Variants in ZNF710 observed in about 807,000 individuals in gnomAD.
The protein encoded by ZNF710 is zinc finger protein 710.
A neutral mutation model predicts 50.6 loss-of-function variants in ZNF710; 13 were observed. The ratio of observed to expected loss-of-function variants is 0.26; its 90% CI spans 0.17 to 0.41. The LOEUF (loss-of-function observed/expected upper bound fraction) is 0.41, where lower values mean the gene tolerates loss of function less well. Among genes scored for constraint, ZNF710 ranks in the 10% least tolerant of loss-of-function variants. The pLI is 1.00. For synonymous variants in ZNF710, 383 were observed against 397.0 expected (o/e 0.96, Z 0.42); for missense variants, 721 against 936.6 (o/e 0.77, Z 3.01).
intron 1 of ZNF710, among the ~76,000 whole-genome samples, chr15:90,019,718 G>T (rs928350744): frequency 6.6e-6 from 1 of 152,178 alleles, no homozygotes; most frequent in Non-Finnish European, 1.5e-5. Context: ...TTTACAATGG[G>T]AGTGCGAGGG....
rs535179186 is a variant in ZNF710 at position 90,034,098 on chromosome 15, T to A, written c.-29+32484T>A. On this transcript the variant is annotated intron_variant, in intron 1 of 4. Transcript: ENST00000268154. This position sits in a 1 kb window ranked among gnomAD's most constrained non-coding sequence, Gnocchi z 4.0. ...CTGTAGTCCCAGCTACTCGGGAGGC[T>A]GAGGTGGGAGAATCGCTTGAACCCA... Among the ~76,000 whole-genome samples, 72 of 151,804 alleles carry A rather than the reference T, an allele frequency of 4.7e-4. No homozygotes were observed. Among genetic ancestry groups the A allele is most frequent in the African/African-American group, 1.7e-3 (70 of 41,362 alleles).
chr15:90,034,733 C>T lies in ZNF710; in HGVS notation c.-28-32377C>T, dbSNP rs1899064759. Among the ~76,000 whole-genome samples, 1 of 152,184 alleles carries T rather than the reference C, an allele frequency of 6.6e-6. No individual in the cohort carries two copies. Among genetic ancestry groups the T allele is most frequent in the Non-Finnish European group, 1.5e-5 (1 of 68,014 alleles). On this transcript the variant is annotated intron_variant, in intron 1 of 4. Coordinates refer to ENST00000268154, the MANE Select transcript of ZNF710 (RefSeq NM_198526.4). This position sits in a 1 kb window ranked among gnomAD's most constrained non-coding sequence, Gnocchi z 4.0. ...GCAGGCCTTCTGAGCCTTCTTTGTT[C>T]TGGCCGTGGGTGGGGCACCCGGCTC...
intron 1 of ZNF710, among the ~76,000 whole-genome samples, chr15:90,065,311 G>C (rs1024791087): frequency 6.6e-6 from 1 of 152,202 alleles, no homozygotes; most frequent in African/African-American, 2.4e-5. Context: ...CCCTGGGAGA[G>C]GCTGGTAGTT....
rs186879270 is a variant in ZNF710, at chr15:90,056,507, A to G, written c.-28-10603A>G. On this transcript the variant is annotated intron_variant, in intron 1 of 4. Coordinates refer to ENST00000268154, the MANE Select transcript of ZNF710 (RefSeq NM_198526.4). ...CTGTAAAATGATGGCATTGGACAGG[A>G]GGGTCCCCAAAGTTCCTTTCAGCCC... is the stretch of plus-strand genomic sequence containing the variant. Among the ~76,000 whole-genome samples, 81 of 152,158 alleles carry G rather than the reference A, an allele frequency of 5.3e-4. 1 individual carries two copies. The East Asian group carries it at 0.014, about 25-fold the overall frequency.
rs1457934514 is a variant in ZNF710, at chr15:90,034,962, G to T, written c.-28-32148G>T. 6.6e-6 allele frequency among the ~76,000 whole-genome samples: 1 copy of T among 152,228 alleles called. No homozygotes were observed. The highest frequency in any genetic ancestry group is 1.5e-5 in the Non-Finnish European group (1 of 68,040). On this transcript the variant is annotated intron_variant, in intron 1 of 4. Transcript: ENST00000268154. The surrounding 1 kb of genome is among the most constrained non-coding windows in gnomAD (Gnocchi z 4.0). ...ATGGCCGGAGCCCCAGGGCTTCCCTGCTGGTAGAAGGGGTGTCTGGAGGGC... is the reference window on the plus strand; with the variant it reads ...ATGGCCGGAGCCCCAGGGCTTCCCTTCTGGTAGAAGGGGTGTCTGGAGGGC...
intron 1 of ZNF710, among the ~76,000 whole-genome samples, chr15:90,019,187 CTTTTTTTTT>C (rs11285838): frequency 3.4e-5 from 3 of 89,388 alleles, no homozygotes; most frequent in South Asian, 4.0e-4. Flanking sequence ...CTTTTTCTTT[CTTTTTTTTT>C]TTTTTTTTTT....
In ZNF710 at chr15:90,074,257, C is replaced by T; in HGVS notation, c.1792C>T (p.His598Tyr). 1 of 1,613,788 alleles carries T rather than the reference C, an allele frequency of 6.2e-7. No individual in the cohort carries two copies. The highest frequency in any genetic ancestry group is 8.5e-7 in the Non-Finnish European group (1 of 1,179,972). The stretch of plus-strand genomic sequence containing the variant: ...CCTGAGCCGGCACATGAAGGTCAAG[C>T]ATGGCGTCATGGACATCGGCCTGGA... ...GNLSRHMKVK[H>Y]GVMDIGLDSQ... Residue 598 changes from histidine (H) to tyrosine (Y), a missense_variant, in exon 4 of 5, where the codon CAT becomes TAT. Around this residue, in one of 3 missense-constraint regions of ZNF710, gnomAD observed 326 missense variants for 522.0 expected, o/e 0.62. Coordinates refer to ENST00000268154, the MANE Select transcript of ZNF710 (RefSeq NM_198526.4).
intron 1 of ZNF710, among the ~76,000 whole-genome samples, chr15:90,046,408 A>G (rs1166482524): frequency 6.6e-6 from 1 of 152,146 alleles, no homozygotes; most frequent in Non-Finnish European, 1.5e-5. Context: ...TGCAAAGGGG[A>G]GTCCTATCCC....
chr15:90,074,588 C>T (rs980317912), intron 4 of ZNF710: 41 of 1,222,074 alleles, frequency 3.4e-5, no homozygotes, highest in Non-Finnish European at 3.9e-5. Context: ...ATCCTCAAAG[C>T]GAGGTTGGCT....
intron 1 of ZNF710, among the ~76,000 whole-genome samples, chr15:90,014,988 G>T (rs1898412846): frequency 6.6e-6 from 1 of 151,554 alleles, no homozygotes; most frequent in Non-Finnish European, 1.5e-5. Flanking sequence ...TGTCTTCCAG[G>T]TTCAAGCGAT....
chr15:90,059,764 T>C lies in ZNF710; in HGVS notation c.-28-7346T>C, dbSNP rs1596047737. On this transcript the variant is annotated intron_variant, in intron 1 of 4. Transcript: ENST00000268154. The surrounding 1 kb of genome is among the most constrained non-coding windows in gnomAD (Gnocchi z 4.1). ...CTCGCTTCCTCTTCCCTTCTGCGCATGTGAGTAGAGTTTCCCTTGAAGCCT... is the reference window on the plus strand; with the variant it reads ...CTCGCTTCCTCTTCCCTTCTGCGCACGTGAGTAGAGTTTCCCTTGAAGCCT... Among the ~76,000 whole-genome samples the C allele has an allele frequency of 1.3e-5, 2 of 152,314 alleles. No homozygotes were observed. The highest frequency in any genetic ancestry group is 2.4e-5 in the African/African-American group (1 of 41,562).
At chr15:90,071,684 T>TA (rs200934643) in intron 2 of ZNF710, among the ~76,000 whole-genome samples, 1,662 of 149,358 alleles carry the variant, frequency 0.011, 21 homozygotes, top group Non-Finnish European at 0.016. Context: ...TTACTCTTTT[T>TA]TTTTTTTTTT....
At chr15:90,024,956 A>T (rs1206977434) in intron 1 of ZNF710, 1 of 152,244 alleles carries the variant, frequency 6.6e-6, no homozygotes, top group African/African-American at 2.4e-5. Context: ...TTGAAAATGC[A>T]GTTTTTTGAG....
chr15:90,044,141 T>C (rs1899385524), intron 1 of ZNF710, among the ~76,000 whole-genome samples: 1 of 151,678 alleles, frequency 6.6e-6, no homozygotes, highest in Non-Finnish European at 1.5e-5. Flanking sequence ...GAGGGAAGGG[T>C]GTTTGGGGGT....
Position 90,080,084 on chromosome 15 carries a change from C to A in ZNF710, c.*255C>A. ...GAACACGCGAGGCCCAGATCTGGGT[C>A]TCCCTGGCCTGCTTCCGTGGGGAGT... On this transcript the variant is annotated 3_prime_UTR_variant, in exon 5 of 5. Transcript: ENST00000268154. 2.7e-6 allele frequency: 1 copy of A among 373,194 alleles called. No individual in the cohort carries two copies. Among genetic ancestry groups the A allele is most frequent in the South Asian group, 4.3e-5 (1 of 23,452 alleles). 23.1% of individuals were successfully genotyped at this position (373,194 alleles called of 1,614,324 possible).
At position 90,034,197 on chromosome 15, in the gene ZNF710, CAAAAA is replaced by C. The variant is rs201471695; in HGVS notation, c.-29+32588_-29+32592del. On this transcript the variant is annotated intron_variant, in intron 1 of 4. Transcript: ENST00000268154. This position sits in a 1 kb window ranked among gnomAD's most constrained non-coding sequence, Gnocchi z 4.0. ...TGGGTGACAGAGTGAGACTCTGTCTCAAAAAAAAAGAAAAGAAAAGAAAAGAAAAG... is the reference window on the plus strand; with the variant it reads ...TGGGTGACAGAGTGAGACTCTGTCTCAAAAGAAAAGAAAAGAAAAGAAAAG... Among the ~76,000 whole-genome samples, 2 of 137,692 alleles carry C rather than the reference CAAAAA, an allele frequency of 1.5e-5. No homozygotes were observed. Among genetic ancestry groups the C allele is most frequent in the Non-Finnish European group, 3.1e-5 (2 of 65,116 alleles). 90.3% of individuals were successfully genotyped at this position (137,692 alleles called of 152,430 possible). A position where few individuals can be genotyped will look rare whatever the true frequency, so the allele number is the denominator to read the frequency against.
At chr15:90,042,264 C>T (rs1022483865) in intron 1 of ZNF710, among the ~76,000 whole-genome samples, 1 of 152,024 alleles carries the variant, frequency 6.6e-6, no homozygotes, top group African/African-American at 2.4e-5. Flanking sequence ...CGGAGGCCCT[C>T]CTGGGGCCTG....
chr15:90,030,584 G>A (rs1180455308), intron 1 of ZNF710, among the ~76,000 whole-genome samples: 3 of 152,116 alleles, frequency 2.0e-5, no homozygotes, highest in Admixed American at 2.0e-4. Flanking sequence ...CACAGAGTGT[G>A]TGTTAACCAG....
intron 4 of ZNF710, 41 bp from the exon 5 acceptor site, chr15:90,079,619 G>A (rs757602348): frequency 1.4e-5 from 23 of 1,597,310 alleles, no homozygotes; most frequent in South Asian, 6.8e-5. Flanking sequence ...GGCTCCTCCC[G>A]AGAGATGGCA....
Sources: allele counts gnomAD v4.1 joint callset (sites outside exome capture counted in the v4.1 genomes callset), GRCh38; gene constraint gnomAD v4.1.1; regional missense constraint gnomAD v4.1.1; non-coding constraint Gnocchi (gnomAD v3.1); transcripts MANE v1.5; gene names NCBI Gene and HGNC (gene_info 2026-07-23, HGNC 2026-07-21).